The following HSD17B14 variants were observed in gnomAD, a reference collection of about 807,000 sequenced individuals.
HSD17B14 encodes hydroxysteroid 17-beta dehydrogenase 14, also known as L-fucose dehydrogenase.
Under a neutral mutation model 32.2 loss-of-function variants are expected in HSD17B14, and 32 were observed. That is an observed-to-expected ratio of 0.99 (90% CI 0.75 to 1.33). The LOEUF (loss-of-function observed/expected upper bound fraction) is 1.33, where lower values mean the gene tolerates loss of function less well. Among genes scored for constraint, HSD17B14 ranks in the 40% most tolerant of loss-of-function variants. The pLI is 0.00. For missense variants in HSD17B14, 370 were observed against 366.5 expected (o/e 1.01, Z -0.08); for synonymous variants, 140 against 155.4 (o/e 0.90, Z 0.74).
intron 3 of HSD17B14, 106 bp downstream of exon 3, chr19:48,834,170 C>G: frequency 1.1e-6 from 1 of 890,998 alleles, no homozygotes; most frequent in Non-Finnish European, 1.8e-6. Context: ...CCAGCGGAGC[C>G]AGGAGAGGAA....
chr19:48,836,323 C>CCGAAGGCG lies in HSD17B14; in HGVS notation c.81_88dup (p.Val30AlafsTer4). ...GCTCCCAGCAGTCAGACCCGGCTCACCGAAGGCGCGCACGATCCCAGCTCC... is the reference window on the plus strand; with the variant it reads ...GCTCCCAGCAGTCAGACCCGGCTCACCGAAGGCGCGAAGGCGCGCACGATCCCAGCTCC... On this transcript the variant is annotated frameshift_variant and splice_region_variant. Transcript: ENST00000263278. LOFTEE classifies it high-confidence loss of function. 6.2e-7 allele frequency: 1 copy of CCGAAGGCG among 1,613,804 alleles called. No individual in the cohort carries two copies. Among genetic ancestry groups the CCGAAGGCG allele is most frequent in the Admixed American group, 1.7e-5 (1 of 59,942 alleles).
intron 4 of HSD17B14, among the ~76,000 whole-genome samples, chr19:48,832,256 G>A (rs1410972124): frequency 2.0e-5 from 3 of 147,612 alleles, no homozygotes; most frequent in African/African-American, 7.5e-5. Flanking sequence ...GTGGGCGCCT[G>A]TAATCCCAGC....
Position 48,836,425 on chromosome 19 carries a change from GTCTC to G in HSD17B14, c.-18_-15del, listed in dbSNP as rs146134551. The G allele has an allele frequency of 1.4e-5, 22 of 1,592,354 alleles. No homozygotes were observed. The highest frequency in any genetic ancestry group is 2.7e-5 in the African/African-American group (2 of 74,294). On this transcript the variant is annotated 5_prime_UTR_variant, in exon 1 of 9. Transcript: ENST00000263278. ...TCCCGTAGCCATCCCGTGTACGTCG[GTCTC>G]TCTCTCTCTCTACTCTGGGCCTCTT...
In HSD17B14 at chr19:48,836,403, C is replaced by T. The variant is rs755739301; in HGVS notation, c.9G>A (p.Thr3=). MA[T]GTRYAGKVVV... ...CCACCTTCCCGGCATAGCGCGTTCC[C>T]GTAGCCATCCCGTGTACGTCGGTCT... The change falls in exon 1 of 9, where the codon ACG becomes ACA. Residue 3 remains threonine (T), a synonymous_variant. Coordinates refer to ENST00000263278, the MANE Select transcript of HSD17B14 (RefSeq NM_016246.3). 6 of 1,613,522 alleles carry T rather than the reference C, an allele frequency of 3.7e-6. No homozygotes were observed. The highest frequency in any genetic ancestry group is 3.3e-5 in the South Asian group (3 of 91,080).
At chr19:48,816,590 T>A (rs1167587335) in intron 5 of HSD17B14, among the ~76,000 whole-genome samples, 7 of 152,054 alleles carry the variant, frequency 4.6e-5, no homozygotes, top group African/African-American at 1.7e-4. Flanking sequence ...GGGTAAACAC[T>A]CCCTCAGCTC....
chr19:48,813,563 G>A lies in HSD17B14; in HGVS notation c.543-11C>T. The A allele has an allele frequency of 6.2e-7, 1 of 1,613,628 alleles. No individual in the cohort carries two copies. Among genetic ancestry groups the A allele is most frequent in the Non-Finnish European group, 8.5e-7 (1 of 1,179,586 alleles). On this transcript the variant is annotated splice_polypyrimidine_tract_variant and intron_variant, in intron 7 of 8. Transcript: ENST00000263278. Reference sequence around the variant, plus strand: ...TTTCCTGGGGAGATACTAGAGGAAGGGAGAGGGGGGATCAAAGCAATCTGT... The same window carrying A: ...TTTCCTGGGGAGATACTAGAGGAAGAGAGAGGGGGGATCAAAGCAATCTGT...
chr19:48,832,898 C>A (rs3760787), intron 3 of HSD17B14, 166 bp from the exon 4 acceptor site: 1 of 618,674 alleles, frequency 1.6e-6, no homozygotes, highest in Non-Finnish European at 2.9e-6. Context: ...GGATTACAGG[C>A]GACTGCCACC....
At chr19:48,831,288 A>G (rs981376573) in intron 5 of HSD17B14, among the ~76,000 whole-genome samples, 2 of 152,210 alleles carry the variant, frequency 1.3e-5, no homozygotes, top group African/African-American at 4.8e-5. Flanking sequence ...ATTAAACTAA[A>G]TAACAGAAAA....
chr19:48,834,243 G>A (rs191013416), intron 3 of HSD17B14, 33 bp downstream of exon 3: 77 of 1,547,712 alleles, frequency 5.0e-5, no homozygotes, highest in East Asian at 2.2e-4. Context: ...GGTCATTAGC[G>A]GAGATGGGGG....
chr19:48,815,001 A>T (rs2035027139), intron 6 of HSD17B14, 36 bp downstream of exon 6: 1 of 1,505,726 alleles, frequency 6.6e-7, no homozygotes, highest in Non-Finnish European at 9.2e-7. Flanking sequence ...CATGGGAAGG[A>T]GTAGGGAGGG....
At chr19:48,819,309 T>C (rs1311243543) in intron 5 of HSD17B14, among the ~76,000 whole-genome samples, 2 of 152,064 alleles carry the variant, frequency 1.3e-5, no homozygotes, top group Non-Finnish European at 2.9e-5. Flanking sequence ...CAACTCCTAA[T>C]ACTGGTTCTC....
chr19:48,833,235 T>TC (rs1396549998), intron 3 of HSD17B14, among the ~76,000 whole-genome samples: 1 of 147,388 alleles, frequency 6.8e-6, no homozygotes, highest in African/African-American at 2.5e-5. Flanking sequence ...AGGGGGCTGG[T>TC]CAGAGCCACA....
At chr19:48,813,773 A>G (rs371808321) in intron 6 of HSD17B14, 43 bp from the exon 7 acceptor site, 2 of 1,606,702 alleles carry the variant, frequency 1.2e-6, no homozygotes, top group Non-Finnish European at 1.7e-6. Context: ...TCCCCGGGAC[A>G]TGGGGTCCCT....
intron 5 of HSD17B14, among the ~76,000 whole-genome samples, chr19:48,817,693 G>T (rs1343439966): frequency 6.6e-6 from 1 of 152,170 alleles, no homozygotes; most frequent in African/African-American, 2.4e-5. Context: ...CACTAAAGGT[G>T]CCTGGCACAT....
intron 1 of HSD17B14, 152 bp downstream of exon 1, chr19:48,836,172 A>G: frequency 1.3e-6 from 1 of 787,506 alleles, no homozygotes; most frequent in Non-Finnish European, 2.1e-6. Flanking sequence ...CCTAGCCTAC[A>G]GCGCCACACG....
Position 48,836,472 on chromosome 19 carries a change from T to C in HSD17B14, c.-61A>G. 1 of 1,546,552 alleles carries C rather than the reference T, an allele frequency of 6.5e-7. No homozygotes were observed. ...GGCCTCTTTCACCTCCAAAGCCCCG[T>C]GAGGCCGTCGCATCAAATCCTCAAT... On this transcript the variant is annotated 5_prime_UTR_variant, in exon 1 of 9. Transcript: ENST00000263278.
At chr19:48,827,267 T>C (rs996620495) in intron 5 of HSD17B14, among the ~76,000 whole-genome samples, 3 of 151,884 alleles carry the variant, frequency 2.0e-5, no homozygotes, top group Non-Finnish European at 4.4e-5. Context: ...GGTCTCGAAC[T>C]CCTGACCTCA....
At chr19:48,825,890 G>T (rs1022052326) in intron 5 of HSD17B14, among the ~76,000 whole-genome samples, 1 of 151,712 alleles carries the variant, frequency 6.6e-6, no homozygotes, top group African/African-American at 2.4e-5. Flanking sequence ...GCGCGATCTC[G>T]GCTCACTGCA....
intron 5 of HSD17B14, 127 bp from the exon 6 acceptor site, chr19:48,815,268 A>C: frequency 1.3e-5 from 9 of 707,002 alleles, no homozygotes; most frequent in Non-Finnish European, 1.8e-5. Context: ...AGTTGATCTC[A>C]GTGACTGCTA....
Sources: gnomAD v4.1 joint callset for allele counts (sites outside exome capture counted in the v4.1 genomes callset) on GRCh38, gnomAD v4.1.1 for gene constraint, MANE v1.5 for transcripts, NCBI Gene and HGNC (gene_info 2026-07-23, HGNC 2026-07-21) for gene names.